CSMD1: variants seen among roughly 807,000 people sequenced by gnomAD.
The protein encoded by CSMD1 is CUB and sushi domain-containing protein 1.
CSMD1 carries 213 observed loss-of-function variants against 417.5 expected under a neutral mutation model. The observed-to-expected ratio is 0.51, with a 90% CI of 0.46 to 0.57. The LOEUF (loss-of-function observed/expected upper bound fraction) is 0.57. CSMD1 is among the 20% of genes least tolerant of loss of function. CSMD1 has a pLI of 0.00. For missense variants in CSMD1, 6,923 were observed against 4,529.7 expected, an observed-to-expected ratio of 1.53 and a Z score of -15.17; for synonymous variants, 2,862 against 1,736.8, an observed-to-expected ratio of 1.65 and a Z score of -16.11.
At chr8:4,577,547 G>A (rs532980268) in intron 2 of CSMD1, among the ~76,000 whole-genome samples, 114 of 152,164 alleles carry the variant, frequency 7.5e-4, no homozygotes, top group Admixed American at 3.9e-3. Context: ...TGTGGCCCAC[G>A]GCATCCTTCC....
chr8:4,769,686 G>T (rs1463131016), intron 1 of CSMD1, among the ~76,000 whole-genome samples: 1 of 152,150 alleles, frequency 6.6e-6, no homozygotes, highest in African/African-American at 2.4e-5. Flanking sequence ...TTGTGGAGCT[G>T]CACGTCAGTT....
At chr8:4,698,135 GT>G (rs11299577) in intron 1 of CSMD1, among the ~76,000 whole-genome samples, 85,744 of 138,596 alleles carry the variant, frequency 0.62, 27,201 homozygotes, top group African/African-American at 0.82. Flanking sequence ...TGAATACTGG[GT>G]TTTTTTTTTT....
chr8:4,612,163 T>G (rs902266200), intron 2 of CSMD1, among the ~76,000 whole-genome samples: 6 of 152,140 alleles, frequency 3.9e-5, no homozygotes, highest in East Asian at 1.9e-4. Context: ...AGACGGTCGG[T>G]GGCTTGAACG....
intron 5 of CSMD1, among the ~76,000 whole-genome samples, chr8:3,873,468 C>T (rs546967218): frequency 6.6e-6 from 1 of 151,990 alleles, no homozygotes; most frequent in Non-Finnish European, 1.5e-5. Flanking sequence ...AAACCAAATA[C>T]CACACGTTCT....
chr8:3,548,398 G>A (rs892815183), intron 10 of CSMD1, among the ~76,000 whole-genome samples: 2 of 151,996 alleles, frequency 1.3e-5, no homozygotes, highest in African/African-American at 2.4e-5. Context: ...CTTATCACCT[G>A]AGCAGTATAC....
chr8:4,331,004 G>T (rs539993779), intron 3 of CSMD1, among the ~76,000 whole-genome samples: 4 of 152,098 alleles, frequency 2.6e-5, no homozygotes, highest in African/African-American at 4.8e-5. Flanking sequence ...TTACTGTGCC[G>T]TAAGTTCTTA....
intron 3 of CSMD1, among the ~76,000 whole-genome samples, chr8:4,406,131 T>C (rs185036113): frequency 5.9e-5 from 9 of 152,316 alleles, no homozygotes; most frequent in Non-Finnish European, 2.9e-5. Flanking sequence ...AGCTGTCAGA[T>C]GGCAGTGAGC....
At chr8:4,700,817 C>G (rs1339739559) in intron 1 of CSMD1, among the ~76,000 whole-genome samples, 1 of 151,776 alleles carries the variant, frequency 6.6e-6, no homozygotes, top group Admixed American at 6.6e-5. Flanking sequence ...CGGATTAGAG[C>G]ATGAAAAAAA....
intron 5 of CSMD1, among the ~76,000 whole-genome samples, chr8:3,889,193 G>C (rs191594325): frequency 4.1e-4 from 62 of 151,670 alleles, no homozygotes; most frequent in African/African-American, 1.4e-3. Context: ...ATTCGAACAA[G>C]ACTAACTTAG....
intron 2 of CSMD1, among the ~76,000 whole-genome samples, chr8:4,425,918 G>C (rs1217701531): frequency 2.0e-5 from 3 of 151,864 alleles, no homozygotes; most frequent in African/African-American, 7.3e-5. Context: ...TAATTTTTTA[G>C]TGTTTTACAA....
At chr8:4,446,759 G>GTC (rs1798828917) in intron 2 of CSMD1, among the ~76,000 whole-genome samples, 3 of 47,118 alleles carry the variant, frequency 6.4e-5, no homozygotes, top group Non-Finnish European at 1.2e-4. Flanking sequence ...GTGTGTCTGT[G>GTC]TGTGTGTGTG....
At chr8:3,373,196 C>T (rs987143099) in intron 18 of CSMD1, among the ~76,000 whole-genome samples, 3 of 152,050 alleles carry the variant, frequency 2.0e-5, no homozygotes, top group Non-Finnish European at 4.4e-5. Flanking sequence ...TTATTTTATC[C>T]TCTGTCTTCA....
At chr8:4,600,687 T>A (rs1412821228) in intron 2 of CSMD1, among the ~76,000 whole-genome samples, 1 of 152,146 alleles carries the variant, frequency 6.6e-6, no homozygotes, top group African/African-American at 2.4e-5. Flanking sequence ...TTCACAAAAA[T>A]AGGGGAATGG....
At chr8:3,201,762 T>A in intron 31 of CSMD1, 37 bp from the exon 32 acceptor site, 1 of 1,271,742 alleles carries the variant, frequency 7.9e-7, no homozygotes, top group Non-Finnish European at 1.1e-6. Flanking sequence ...CACAAGATGC[T>A]CTAAGAAAAC....
chr8:4,155,712 C>G (rs943068796), intron 3 of CSMD1, among the ~76,000 whole-genome samples: 1 of 152,098 alleles, frequency 6.6e-6, no homozygotes, highest in South Asian at 2.1e-4. Flanking sequence ...TCTACTTCGT[C>G]AAATCACAAC....
At chr8:4,258,041 G>A (rs1217530512) in intron 3 of CSMD1, among the ~76,000 whole-genome samples, 1 of 151,706 alleles carries the variant, frequency 6.6e-6, no homozygotes, top group Non-Finnish European at 1.5e-5. Flanking sequence ...TGTGGAAGGG[G>A]GAAGCAATCC....
chr8:4,913,328 G>T lies in CSMD1; in HGVS notation c.85+81004C>A, dbSNP rs1186312789. ...GGTGTTATAATTACTTGCAATAATT[G>T]TTTACAGCCTCACCTCTGTCCCTTA... On this transcript the variant is annotated intron_variant, in intron 1 of 69. Coordinates refer to ENST00000635120, the MANE Select transcript of CSMD1 (RefSeq NM_033225.6). Among the ~76,000 whole-genome samples the T allele has an allele frequency of 2.6e-5, 4 of 152,170 alleles. No individual in the cohort carries two copies. In the South Asian group the frequency reaches 8.3e-4, roughly 32 times the overall value.
At chr8:4,235,527 A>G (rs1282515114) in intron 3 of CSMD1, among the ~76,000 whole-genome samples, 2 of 152,172 alleles carry the variant, frequency 1.3e-5, no homozygotes, top group East Asian at 1.9e-4. Flanking sequence ...TGGTACATAC[A>G]TGAATCTACT....
At chr8:4,919,708 G>T (rs1333892090) in intron 1 of CSMD1, among the ~76,000 whole-genome samples, 1 of 152,158 alleles carries the variant, frequency 6.6e-6, no homozygotes, top group Admixed American at 6.5e-5. Flanking sequence ...TAAAATCTGG[G>T]TGTTGCCAAT....
Sources: gnomAD v4.1 joint callset for allele counts (sites outside exome capture counted in the v4.1 genomes callset) on GRCh38, gnomAD v4.1.1 for gene constraint, MANE v1.5 for transcripts, NCBI Gene and HGNC (gene_info 2026-07-23, HGNC 2026-07-21) for gene names.